The following UST variants were observed in gnomAD, a reference collection of about 807,000 sequenced individuals.
UST encodes the protein uronyl 2-sulfotransferase.
UST carries 21 observed loss-of-function variants against 45.6 expected under a neutral mutation model. The observed-to-expected ratio is 0.46, with a 90% CI of 0.33 to 0.66. The LOEUF (loss-of-function observed/expected upper bound fraction) is 0.66. UST is among the 30% of genes least tolerant of loss of function. UST has a pLI of 0.02. For missense variants in UST, 463 were observed against 512.4 expected (o/e 0.90, Z 0.93); for synonymous variants, 215 against 200.6 (o/e 1.07, Z -0.61).
At chr6:149,046,684 G>A (rs976519030) in intron 7 of UST, among the ~76,000 whole-genome samples, 4 of 152,202 alleles carry the variant, frequency 2.6e-5, no homozygotes, top group South Asian at 4.1e-4. Context: ...TAATGTGCCC[G>A]TGCACCGATG....
chr6:148,799,177 A>G (rs551398645), intron 1 of UST, among the ~76,000 whole-genome samples: 8 of 152,208 alleles, frequency 5.3e-5, no homozygotes, highest in Non-Finnish European at 1.0e-4. Flanking sequence ...GCCAGGAGAT[A>G]GGATTTAAAT....
chr6:148,747,679 T>G lies in UST; in HGVS notation c.247+2T>G. On this transcript the variant is annotated splice_donor_variant, in intron 1 of 7. Transcript: ENST00000367463. LOFTEE classifies it high-confidence loss of function. ...TGCTCGACCTGCGGCAGTACTTGGG[T>G]AAGGAAGCTGGGCAGGCGCTAGGGC... 1 of 1,593,958 alleles carries G rather than the reference T, an allele frequency of 6.3e-7. No individual in the cohort carries two copies. Among genetic ancestry groups the G allele is most frequent in the Non-Finnish European group, 8.5e-7 (1 of 1,171,660 alleles).
At position 148,790,235 on chromosome 6, in the gene UST, C is replaced by T. The variant is rs751127817; in HGVS notation, c.247+42558C>T. ...TGGTTACCTTGGATCCCTTCATGCC[C>T]GTGCTAATCTCACTCCGTGCTCTTC... On this transcript the variant is annotated intron_variant, in intron 1 of 7. Transcript: ENST00000367463. This position sits in a 1 kb window ranked among gnomAD's most constrained non-coding sequence, Gnocchi z 4.2. 9.9e-5 allele frequency among the ~76,000 whole-genome samples: 15 copies of T among 152,126 alleles called. No homozygotes were observed. The highest frequency in any genetic ancestry group is 1.7e-4 in the African/African-American group (7 of 41,432).
chr6:148,903,292 A>C (rs1779294590), intron 2 of UST, among the ~76,000 whole-genome samples: 2 of 152,198 alleles, frequency 1.3e-5, no homozygotes, highest in African/African-American at 4.8e-5. Context: ...CCCCACATTT[A>C]GGACATGTAC....
At chr6:148,850,721 G>A (rs1457480564) in intron 1 of UST, among the ~76,000 whole-genome samples, 1 of 152,148 alleles carries the variant, frequency 6.6e-6, no homozygotes, top group Non-Finnish European at 1.5e-5. Flanking sequence ...AACCAAGAAG[G>A]GAAAAATGAT....
chr6:148,950,443 G>C (rs1330124679), intron 3 of UST, among the ~76,000 whole-genome samples: 1 of 152,062 alleles, frequency 6.6e-6, no homozygotes, highest in African/African-American at 2.4e-5. Flanking sequence ...ATTTTTTCTG[G>C]CTGTTGATCA....
At chr6:148,962,027 G>T (rs1353794478) in intron 4 of UST, among the ~76,000 whole-genome samples, 2 of 152,204 alleles carry the variant, frequency 1.3e-5, no homozygotes, top group Non-Finnish European at 2.9e-5. Context: ...GAAGCTGTGT[G>T]TACAGAGGGT....
chr6:148,906,809 G>A (rs1449777240), intron 2 of UST, among the ~76,000 whole-genome samples: 1 of 152,182 alleles, frequency 6.6e-6, no homozygotes, highest in African/African-American at 2.4e-5. Context: ...AAAATGCTTA[G>A]CACAGGCCTA....
intron 2 of UST, among the ~76,000 whole-genome samples, chr6:148,933,029 C>T (rs187361925): frequency 1.3e-5 from 2 of 152,276 alleles, no homozygotes; most frequent in East Asian, 3.9e-4. Context: ...GCTCATGTCA[C>T]TCAACTACTT....
At chr6:148,855,084 C>A (rs1778177718) in intron 1 of UST, among the ~76,000 whole-genome samples, 1 of 152,118 alleles carries the variant, frequency 6.6e-6, no homozygotes, top group African/African-American at 2.4e-5. Flanking sequence ...ACCATCAGAT[C>A]TCGCGAGACG....
chr6:149,026,166 A>AC (rs35681815), intron 7 of UST, among the ~76,000 whole-genome samples: 54,061 of 143,848 alleles, frequency 0.38, 11,436 homozygotes, highest in Non-Finnish European at 0.46. Context: ...AAAAAAAAAA[A>AC]CAGGCCTGAT....
chr6:148,894,125 TGGCTTTAACAG>T (rs2114852952), intron 2 of UST, among the ~76,000 whole-genome samples: 1 of 152,260 alleles, frequency 6.6e-6, no homozygotes, highest in African/African-American at 2.4e-5. Flanking sequence ...TTGAGGAGCT[TGGCTTTAACAG>T]GAAAGAGAGA....
At chr6:148,992,279 C>G (rs1781369031) in intron 5 of UST, among the ~76,000 whole-genome samples, 1 of 152,076 alleles carries the variant, frequency 6.6e-6, no homozygotes, top group African/African-American at 2.4e-5. Context: ...CCGAGGCGGG[C>G]AGATCACGAG....
intron 5 of UST, among the ~76,000 whole-genome samples, chr6:149,002,042 T>G (rs558912877): frequency 6.6e-6 from 1 of 152,320 alleles, no homozygotes; most frequent in South Asian, 2.1e-4. Context: ...ATTTTTAAAA[T>G]TCTTTGCCCT....
At chr6:148,785,330 C>T (rs1776715682) in intron 1 of UST, among the ~76,000 whole-genome samples, 1 of 152,042 alleles carries the variant, frequency 6.6e-6, no homozygotes, top group South Asian at 2.1e-4. Flanking sequence ...GATTTGATTC[C>T]TGATTTTACT....
At chr6:148,759,742 G>A (rs1461550839) in intron 1 of UST, among the ~76,000 whole-genome samples, 1 of 150,450 alleles carries the variant, frequency 6.6e-6, no homozygotes. Context: ...CAGCTACTCG[G>A]GAGGCTGAGG....
At chr6:148,775,752 C>T (rs545913586) in intron 1 of UST, among the ~76,000 whole-genome samples, 10 of 152,086 alleles carry the variant, frequency 6.6e-5, no homozygotes, top group East Asian at 3.9e-4. Context: ...CTCAGCCTCC[C>T]GAGTAGCTGG....
chr6:148,890,302 G>T (rs1433682522), intron 2 of UST, among the ~76,000 whole-genome samples: 2 of 152,150 alleles, frequency 1.3e-5, no homozygotes, highest in Admixed American at 6.5e-5. Flanking sequence ...GTCCCCTGGG[G>T]TGGGGCCTCA....
chr6:148,787,705 GT>G (rs1368484619), intron 1 of UST, among the ~76,000 whole-genome samples: 1 of 152,152 alleles, frequency 6.6e-6, no homozygotes, highest in Non-Finnish European at 1.5e-5. Flanking sequence ...TTTTAAAATA[GT>G]TTTTTTCCAA....
Sources: gnomAD v4.1 joint callset for allele counts (sites outside exome capture counted in the v4.1 genomes callset) on GRCh38, gnomAD v4.1.1 for gene constraint, Gnocchi (gnomAD v3.1) non-coding constraint, MANE v1.5 for transcripts, NCBI Gene and HGNC (gene_info 2026-07-23, HGNC 2026-07-21) for gene names.